The following SH3RF3 variants were observed in gnomAD, a reference collection of about 807,000 sequenced individuals.
SH3RF3 encodes SH3 domain containing ring finger 3.
SH3RF3 carries 29 observed loss-of-function variants against 66.3 expected under a neutral mutation model. That is an observed-to-expected ratio of 0.44 (90% CI 0.33 to 0.60). SH3RF3 has a LOEUF of 0.60. Among genes scored for constraint, SH3RF3 ranks in the 20% least tolerant of loss-of-function variants. SH3RF3 has a pLI of 0.04. For synonymous variants in SH3RF3, 583 were observed against 532.0 expected (o/e 1.10, Z -1.32); for missense variants, 1,194 against 1,190.9 (o/e 1.00, Z -0.04).
chr2:109,371,489 C>T (rs1683269850), intron 2 of SH3RF3, 97 bp from the exon 3 acceptor site: 1 of 943,356 alleles, frequency 1.1e-6, no homozygotes, highest in African/African-American at 1.6e-5. Context: ...TCCTTGGAAT[C>T]TCTTCCGAGC....
intron 5 of SH3RF3, among the ~76,000 whole-genome samples, chr2:109,430,441 G>C (rs1677163192): frequency 6.6e-6 from 1 of 151,954 alleles, no homozygotes; most frequent in Non-Finnish European, 1.5e-5. Flanking sequence ...CTGTGTGGAA[G>C]CCACCCTCCT....
intron 1 of SH3RF3, among the ~76,000 whole-genome samples, chr2:109,159,428 C>T (rs78096821): frequency 0.048 from 7,301 of 152,318 alleles, 422 homozygotes; most frequent in East Asian, 0.3. Context: ...ATTTCTGTAA[C>T]GGAGGCCTCC....
chr2:109,173,715 G>C (rs1311170702), intron 1 of SH3RF3, among the ~76,000 whole-genome samples: 2 of 152,198 alleles, frequency 1.3e-5, no homozygotes, highest in Admixed American at 1.3e-4. Flanking sequence ...GAAATCCGCT[G>C]TCTGGAGGGG....
At chr2:109,313,420 G>A (rs1681782816) in intron 1 of SH3RF3, among the ~76,000 whole-genome samples, 1 of 152,252 alleles carries the variant, frequency 6.6e-6, no homozygotes, top group Admixed American at 6.5e-5. Flanking sequence ...GTGCTCATGA[G>A]AGGCATGGAT....
intron 2 of SH3RF3, among the ~76,000 whole-genome samples, chr2:109,354,142 G>T (rs969742114): frequency 6.6e-6 from 1 of 152,134 alleles, no homozygotes; most frequent in East Asian, 1.9e-4. Flanking sequence ...GGCTGAGGGA[G>T]TTTCTGAACT....
rs998518376 is a variant in SH3RF3 at position 109,299,635 on chromosome 2, G to T, written c.574-48039G>T. Among the ~76,000 whole-genome samples the T allele has an allele frequency of 3.9e-5, 6 of 152,146 alleles. No homozygotes were observed. The East Asian group carries it at 1.2e-3, about 29-fold the overall frequency. ...ATGAGCTCACAGGAAACCTTGAATT[G>T]TAAGGCCCTTCCTTTGCCCTGTACT... On this transcript the variant is annotated intron_variant, in intron 1 of 9. Coordinates refer to ENST00000309415, the MANE Select transcript of SH3RF3 (RefSeq NM_001099289.3).
chr2:109,351,939 G>A (rs962296822), intron 2 of SH3RF3, among the ~76,000 whole-genome samples: 1 of 152,180 alleles, frequency 6.6e-6, no homozygotes, highest in African/African-American at 2.4e-5. Flanking sequence ...AATTAACCTA[G>A]CATTAATTCC....
intron 5 of SH3RF3, among the ~76,000 whole-genome samples, chr2:109,423,057 G>C (rs1011979269): frequency 1.3e-4 from 20 of 152,186 alleles, no homozygotes; most frequent in Non-Finnish European, 2.5e-4. Flanking sequence ...CATCAGAGAA[G>C]GAAACTTCCA....
chr2:109,315,779 C>T (rs575355648), intron 1 of SH3RF3, among the ~76,000 whole-genome samples: 18 of 152,290 alleles, frequency 1.2e-4, no homozygotes, highest in East Asian at 5.8e-4. Flanking sequence ...AGGTGAATGC[C>T]GGTTGCTGCC....
At chr2:109,422,978 G>A (rs758866369) in intron 5 of SH3RF3, among the ~76,000 whole-genome samples, 8 of 152,156 alleles carry the variant, frequency 5.3e-5, no homozygotes, top group Non-Finnish European at 1.0e-4. Flanking sequence ...CTCGGTCCAC[G>A]TACCTGCAAT....
chr2:109,426,155 C>T (rs1328192385), intron 5 of SH3RF3, among the ~76,000 whole-genome samples: 3 of 152,168 alleles, frequency 2.0e-5, no homozygotes, highest in Non-Finnish European at 4.4e-5. Context: ...GTGATCCGTC[C>T]GCCTTGGCCT....
chr2:109,272,527 T>C (rs1465773612), intron 1 of SH3RF3, among the ~76,000 whole-genome samples: 1 of 152,012 alleles, frequency 6.6e-6, no homozygotes, highest in Non-Finnish European at 1.5e-5. Context: ...AGGGGCCGAG[T>C]AGGGTGTGTT....
At chr2:109,499,655 C>T (rs1159170889) in intron 9 of SH3RF3, among the ~76,000 whole-genome samples, 2 of 152,198 alleles carry the variant, frequency 1.3e-5, no homozygotes, top group East Asian at 1.9e-4. Context: ...TCGTCCTTGG[C>T]AGTGTTTTAG....
At chr2:109,202,642 T>G (rs1196683387) in intron 1 of SH3RF3, among the ~76,000 whole-genome samples, 3 of 152,162 alleles carry the variant, frequency 2.0e-5, no homozygotes, top group Non-Finnish European at 4.4e-5. Flanking sequence ...CCCAGGAACC[T>G]GGGTCCTGGG....
chr2:109,437,453 C>A (rs1459814190), intron 7 of SH3RF3, among the ~76,000 whole-genome samples: 2 of 152,204 alleles, frequency 1.3e-5, no homozygotes, highest in Admixed American at 6.5e-5. Flanking sequence ...AGTAAATTTA[C>A]AAATATTTAC....
intron 8 of SH3RF3, among the ~76,000 whole-genome samples, chr2:109,476,179 A>G (rs888035542): frequency 6.6e-5 from 10 of 152,222 alleles, no homozygotes; most frequent in African/African-American, 2.4e-4. Context: ...AGGCTCTATA[A>G]GGGATAAGCT....
At chr2:109,362,760 C>T (rs10166726) in intron 2 of SH3RF3, among the ~76,000 whole-genome samples, 13,341 of 152,120 alleles carry the variant, frequency 0.088, 1,149 homozygotes, top group East Asian at 0.25. Flanking sequence ...TTGTTAGGTG[C>T]GTGTAATGAT....
At chr2:109,325,345 T>C (rs1167064981) in intron 1 of SH3RF3, among the ~76,000 whole-genome samples, 3 of 136,930 alleles carry the variant, frequency 2.2e-5, no homozygotes, top group African/African-American at 8.3e-5. Context: ...TTTTTTTTTT[T>C]TTTTTTTTTT....
intron 1 of SH3RF3, among the ~76,000 whole-genome samples, chr2:109,199,612 T>TCAACGC (rs1574499835): frequency 6.0e-3 from 2 of 336 alleles, no homozygotes; most frequent in Non-Finnish European, 0.014. Flanking sequence ...TGGAATGGAA[T>TCAACGC]GGAATGGAAT....
Sources: allele counts gnomAD v4.1 joint callset (sites outside exome capture counted in the v4.1 genomes callset), GRCh38; gene constraint gnomAD v4.1.1; transcripts MANE v1.5; gene names NCBI Gene and HGNC (gene_info 2026-07-23, HGNC 2026-07-21).